Variants in EXOC4 observed in about 807,000 individuals in gnomAD.
EXOC4 encodes the protein SEC8-like 1.
In EXOC4, 71 loss-of-function variants were observed where a neutral mutation model predicts 107.2. The ratio of observed to expected loss-of-function variants is 0.66; its 90% CI spans 0.55 to 0.81. EXOC4 has a LOEUF of 0.81. Among genes scored for constraint, EXOC4 ranks in the 30% least tolerant of loss-of-function variants. EXOC4 has a pLI of 0.00. For synonymous variants in EXOC4, 456 were observed against 441.2 expected, an observed-to-expected ratio of 1.03 and a Z score of -0.42; for missense variants, 1,108 against 1,189.6, an observed-to-expected ratio of 0.93 and a Z score of 1.01.
At chr7:133,968,797 T>A (rs1801132749) in intron 14 of EXOC4, among the ~76,000 whole-genome samples, 1 of 152,170 alleles carries the variant, frequency 6.6e-6, no homozygotes, top group Non-Finnish European at 1.5e-5. Flanking sequence ...TCAACCTTGG[T>A]GAATCTAACA....
At chr7:133,683,572 AGT>A (rs1213300549) in intron 10 of EXOC4, among the ~76,000 whole-genome samples, 2 of 152,204 alleles carry the variant, frequency 1.3e-5, no homozygotes, top group African/African-American at 4.8e-5. Flanking sequence ...ATGTTAATTA[AGT>A]GTTGTTTTAA....
At chr7:133,590,226 G>A (rs10243071) in intron 9 of EXOC4, among the ~76,000 whole-genome samples, 130,987 of 152,138 alleles carry the variant, frequency 0.86, 56,539 homozygotes, top group Admixed American at 0.89. Flanking sequence ...TGCCTCCTGT[G>A]TCTATCAATT....
intron 14 of EXOC4, among the ~76,000 whole-genome samples, chr7:133,939,650 C>G (rs1450197339): frequency 6.6e-6 from 1 of 152,190 alleles, no homozygotes; most frequent in Non-Finnish European, 1.5e-5. Context: ...GCATGCACCA[C>G]CATGCCCAAC....
At chr7:133,387,781 A>G (rs1796760700) in intron 7 of EXOC4, among the ~76,000 whole-genome samples, 1 of 152,174 alleles carries the variant, frequency 6.6e-6, no homozygotes, top group Non-Finnish European at 1.5e-5. Context: ...ACACTGCAGA[A>G]CAGTTTATGG....
At chr7:134,045,725 C>G (rs1461986822) in intron 17 of EXOC4, among the ~76,000 whole-genome samples, 1 of 152,218 alleles carries the variant, frequency 6.6e-6, no homozygotes, top group South Asian at 2.1e-4. Context: ...AGTTTTGGAA[C>G]ATTTTCATCA....
At chr7:133,311,308 A>G (rs1051570117) in intron 4 of EXOC4, among the ~76,000 whole-genome samples, 11 of 152,222 alleles carry the variant, frequency 7.2e-5, no homozygotes, top group Non-Finnish European at 1.5e-4. Context: ...CAGTACAGAC[A>G]TGCAAAAATA....
intron 7 of EXOC4, 102 bp from the exon 8 acceptor site, chr7:133,475,226 T>G: frequency 1.0e-6 from 1 of 996,232 alleles, no homozygotes; most frequent in Non-Finnish European, 1.5e-6. Context: ...TACTCCTGAA[T>G]GTTGGTTTTA....
chr7:133,388,514 G>A (rs916452641), intron 7 of EXOC4, among the ~76,000 whole-genome samples: 1 of 152,024 alleles, frequency 6.6e-6, no homozygotes, highest in Admixed American at 6.6e-5. Flanking sequence ...GCCAGGAATG[G>A]TGGCCTGTGT....
At chr7:133,903,420 T>C (rs1470181938) in intron 12 of EXOC4, among the ~76,000 whole-genome samples, 1 of 152,172 alleles carries the variant, frequency 6.6e-6, no homozygotes, top group Non-Finnish European at 1.5e-5. Context: ...GCAGCAGAGA[T>C]GGAGGGAACT....
intron 14 of EXOC4, among the ~76,000 whole-genome samples, chr7:133,981,085 A>C (rs1008732690): frequency 6.6e-6 from 1 of 152,178 alleles, no homozygotes; most frequent in African/African-American, 2.4e-5. Flanking sequence ...TACACCTGCA[A>C]AGTCTGTACC....
intron 5 of EXOC4, among the ~76,000 whole-genome samples, chr7:133,344,711 T>C (rs1795746227): frequency 6.6e-6 from 1 of 152,202 alleles, no homozygotes; most frequent in Non-Finnish European, 1.5e-5. Context: ...TATAGTCAGC[T>C]CTGTGATCTG....
intron 17 of EXOC4, among the ~76,000 whole-genome samples, chr7:134,032,351 A>G (rs1795289583): frequency 6.6e-6 from 1 of 152,166 alleles, no homozygotes; most frequent in East Asian, 1.9e-4. Context: ...GAACAGCTGC[A>G]AGCCTGTTCT....
chr7:133,737,915 T>TC (rs1486234863), intron 10 of EXOC4, among the ~76,000 whole-genome samples: 32 of 135,950 alleles, frequency 2.4e-4, no homozygotes, highest in African/African-American at 8.6e-4. Flanking sequence ...CTTTCTTTTT[T>TC]TTTTTTTTTT....
intron 5 of EXOC4, among the ~76,000 whole-genome samples, chr7:133,321,782 C>T (rs1481081503): frequency 6.6e-6 from 1 of 152,152 alleles, no homozygotes; most frequent in African/African-American, 2.4e-5. Context: ...GGTTCCAGAT[C>T]CTTGAGGAAT....
At chr7:134,092,460 GA>G in the EXOC4 span, among the ~76,000 whole-genome samples, 7 of 152,050 alleles carry the variant, frequency 4.6e-5, no homozygotes, top group Non-Finnish European at 8.8e-5. Flanking sequence ...TATTTTCAAA[GA>G]AAGGAACTCA....
chr7:133,627,401 A>G lies in EXOC4; in HGVS notation c.1418-2644A>G, dbSNP rs1432954913. On this transcript the variant is annotated intron_variant, in intron 9 of 17. Coordinates refer to ENST00000253861, the MANE Select transcript of EXOC4 (RefSeq NM_021807.4). ...AGTACCTAATATCGTAGCACTTAAGAATATTTAGAAACCATTGGAAATCAT... is the reference window on the plus strand; with the variant it reads ...AGTACCTAATATCGTAGCACTTAAGGATATTTAGAAACCATTGGAAATCAT... Among the ~76,000 whole-genome samples, 3 of 152,170 alleles carry G rather than the reference A, an allele frequency of 2.0e-5. No individual in the cohort carries two copies. In the East Asian group the frequency reaches 5.8e-4, roughly 29 times the overall value.
intron 10 of EXOC4, among the ~76,000 whole-genome samples, chr7:133,632,877 A>G (rs1802623124): frequency 6.6e-6 from 1 of 152,196 alleles, no homozygotes; most frequent in African/African-American, 2.4e-5. Flanking sequence ...TTAAGTGAGT[A>G]TGAGTTAGCA....
chr7:133,319,247 T>TA (rs1379430930), intron 5 of EXOC4, among the ~76,000 whole-genome samples: 1 of 152,236 alleles, frequency 6.6e-6, no homozygotes, highest in African/African-American at 2.4e-5. Flanking sequence ...ATATGCCAGT[T>TA]ACGGCAAATT....
intron 10 of EXOC4, among the ~76,000 whole-genome samples, chr7:133,649,295 C>T (rs1247854936): frequency 6.6e-6 from 1 of 151,982 alleles, no homozygotes; most frequent in Non-Finnish European, 1.5e-5. Flanking sequence ...TCCAGCACCA[C>T]TTTCTTTGCT....
Sources: allele counts gnomAD v4.1 joint callset (sites outside exome capture counted in the v4.1 genomes callset), GRCh38; gene constraint gnomAD v4.1.1; transcripts MANE v1.5; gene names NCBI Gene and HGNC (gene_info 2026-07-23, HGNC 2026-07-21).